The following CDK6 variants were observed in gnomAD, a reference collection of about 807,000 sequenced individuals.
CDK6 encodes the protein cyclin dependent kinase 6, also known as cyclin-dependent kinase 6.
In CDK6, 6 loss-of-function variants were observed where a neutral mutation model predicts 37.1. The observed-to-expected ratio is 0.16, with a 90% CI of 0.09 to 0.32. The LOEUF (loss-of-function observed/expected upper bound fraction) is 0.32. Ranked by LOEUF, CDK6 falls within the 10% of genes least tolerant of loss-of-function variation. The pLI, the probability that CDK6 is intolerant of heterozygous loss-of-function variation, is 1.00. For synonymous variants in CDK6, 160 were observed against 161.3 expected (o/e 0.99, Z 0.06); for missense variants, 224 against 418.9 (o/e 0.53, Z 4.06).
At chr7:92,656,220 T>C (rs1005265464) in intron 5 of CDK6, among the ~76,000 whole-genome samples, 5 of 152,162 alleles carry the variant, frequency 3.3e-5, no homozygotes, top group African/African-American at 1.2e-4. Flanking sequence ...TCTGTAAGAA[T>C]ATACCCAATG....
chr7:92,762,599 G>A (rs1005378784), intron 3 of CDK6, among the ~76,000 whole-genome samples: 7 of 143,582 alleles, frequency 4.9e-5, no homozygotes, highest in African/African-American at 1.6e-4. Flanking sequence ...ATGGAATCTC[G>A]CTCTGTCACC....
Position 92,777,234 on chromosome 7 carries a change from G to GT in CDK6, c.234-2404dup, listed in dbSNP as rs201829615. Among the ~76,000 whole-genome samples, 423 of 150,232 alleles carry GT rather than the reference G, an allele frequency of 2.8e-3. 4 individuals carry two copies. Among genetic ancestry groups the GT allele is most frequent in the South Asian group, 7.8e-3 (37 of 4,718 alleles). Reference sequence around the variant, plus strand: ...TTGTAGATATGTGTCATTCTTTCTTGTTTTTTTTTCCTTTTTGTGAAGGAG... The same window carrying GT: ...TTGTAGATATGTGTCATTCTTTCTTGTTTTTTTTTTCCTTTTTGTGAAGGAG... On this transcript the variant is annotated intron_variant, in intron 2 of 7. Transcript: ENST00000424848.
At position 92,613,692 on chromosome 7, in the gene CDK6, C is replaced by A; in HGVS notation, c.*1448G>T. ...CCCTAAAACATAGCTAAAGACATAC[C>A]CTCAGGTAAAGACACTGAAAATATC... On this transcript the variant is annotated 3_prime_UTR_variant, in exon 8 of 8. Transcript: ENST00000424848. 4 of 232,968 alleles carry A rather than the reference C, an allele frequency of 1.7e-5. No individual in the cohort carries two copies. The highest frequency in any genetic ancestry group is 2.5e-5 in the Non-Finnish European group (3 of 117,920). The allele number at this position is 232,968 out of a possible 1,614,324, so 14.4% of individuals were successfully genotyped here. A position where few individuals can be genotyped will look rare whatever the true frequency, so the allele number is the denominator to read the frequency against.
At chr7:92,675,866 A>C (rs2116613523) in intron 4 of CDK6, among the ~76,000 whole-genome samples, 1 of 152,234 alleles carries the variant, frequency 6.6e-6, no homozygotes, top group East Asian at 1.9e-4. Context: ...TATTGACTTA[A>C]ATTTGAACAT....
intron 3 of CDK6, among the ~76,000 whole-genome samples, chr7:92,765,268 A>G (rs1799552655): frequency 6.6e-6 from 1 of 152,178 alleles, no homozygotes; most frequent in African/African-American, 2.4e-5. Flanking sequence ...TCCTTGGTAT[A>G]AAACATATTT....
At chr7:92,774,352 G>C (rs1303856322) in intron 3 of CDK6, among the ~76,000 whole-genome samples, 2 of 152,138 alleles carry the variant, frequency 1.3e-5, no homozygotes, top group African/African-American at 2.4e-5. Flanking sequence ...TAAACCATCA[G>C]AAGAAGACTG....
chr7:92,737,390 C>T (rs1465545800), intron 3 of CDK6, among the ~76,000 whole-genome samples: 1 of 152,164 alleles, frequency 6.6e-6, no homozygotes, highest in Non-Finnish European at 1.5e-5. Context: ...TAGAAATTAT[C>T]TGTTATTATT....
intron 2 of CDK6, among the ~76,000 whole-genome samples, chr7:92,796,189 AC>A: frequency 1.3e-5 from 2 of 151,896 alleles, no homozygotes; most frequent in African/African-American, 4.8e-5. Context: ...GAAAAATATA[AC>A]CCTAGGAATA....
rs1377395508 is a variant in CDK6, at chr7:92,613,218, AG to A, written c.*1921del. 1 of 233,162 alleles carries A rather than the reference AG, an allele frequency of 4.3e-6. No individual in the cohort carries two copies. The highest frequency in any genetic ancestry group is 8.5e-6 in the Non-Finnish European group (1 of 118,052). The allele number at this position is 233,162 out of a possible 1,614,324, so 14.4% of individuals were successfully genotyped here. On this transcript the variant is annotated 3_prime_UTR_variant, in exon 8 of 8. Transcript: ENST00000424848. The stretch of plus-strand genomic sequence containing the variant: ...AAGCTCTTCAGGAGAAACATCTCCT[AG>A]TTTTTTCTCTTGTTCAAGATAGTCA...
intron 3 of CDK6, among the ~76,000 whole-genome samples, chr7:92,758,419 GT>G (rs1310649790): frequency 2.6e-5 from 4 of 152,076 alleles, no homozygotes; most frequent in Admixed American, 2.6e-4. Flanking sequence ...TTTTTGTCAG[GT>G]TTGTGGAAGG....
chr7:92,781,233 T>G lies in CDK6; in HGVS notation c.234-6402A>C, dbSNP rs891849741. Among the ~76,000 whole-genome samples, 5 of 152,220 alleles carry G rather than the reference T, an allele frequency of 3.3e-5. 1 individual carries two copies. Among genetic ancestry groups the G allele is most frequent in the African/African-American group, 1.2e-4 (5 of 41,454 alleles). On this transcript the variant is annotated intron_variant, in intron 2 of 7. Coordinates refer to ENST00000424848, the MANE Select transcript of CDK6 (RefSeq NM_001145306.2). ...ATTAAGTTGGCCAAGCCCCTAACTC[T>G]CCCACAAAGTAAGTTCTCTTGCTGT...
intron 2 of CDK6, among the ~76,000 whole-genome samples, chr7:92,790,368 T>C (rs1800251771): frequency 6.6e-6 from 1 of 152,208 alleles, no homozygotes; most frequent in Non-Finnish European, 1.5e-5. Flanking sequence ...AGGGCCTTTA[T>C]CCTGTTTCCC....
At chr7:92,666,489 T>G (rs1796959030) in intron 5 of CDK6, among the ~76,000 whole-genome samples, 1 of 152,246 alleles carries the variant, frequency 6.6e-6, no homozygotes, top group African/African-American at 2.4e-5. Context: ...ATGAACTTTC[T>G]GAATAGTTTT....
chr7:92,624,144 T>C (rs1795871628), intron 5 of CDK6, among the ~76,000 whole-genome samples: 1 of 152,158 alleles, frequency 6.6e-6, no homozygotes, highest in South Asian at 2.1e-4. Context: ...TTCTCAACCA[T>C]ACTTTCTATG....
intron 4 of CDK6, among the ~76,000 whole-genome samples, chr7:92,717,078 A>G (rs895601051): frequency 5.3e-5 from 8 of 152,126 alleles, no homozygotes; most frequent in African/African-American, 1.9e-4. Flanking sequence ...CAGGCATGGT[A>G]GCTCATGTCT....
intron 4 of CDK6, among the ~76,000 whole-genome samples, chr7:92,685,143 T>C (rs1037533785): frequency 1.3e-5 from 2 of 152,212 alleles, no homozygotes; most frequent in Admixed American, 1.3e-4. Context: ...GGGAATATAG[T>C]TCTGTTGATT....
At chr7:92,666,278 A>C (rs1192611691) in intron 5 of CDK6, among the ~76,000 whole-genome samples, 2 of 151,998 alleles carry the variant, frequency 1.3e-5, no homozygotes, top group African/African-American at 4.8e-5. Context: ...CATTTATCCC[A>C]CCTCTGGTTA....
intron 4 of CDK6, among the ~76,000 whole-genome samples, chr7:92,720,467 T>C (rs1328113586): frequency 6.6e-6 from 1 of 152,138 alleles, no homozygotes; most frequent in Non-Finnish European, 1.5e-5. Flanking sequence ...CTTTTCAAAA[T>C]GAAATGGTTG....
At chr7:92,786,750 T>C (rs1161451252) in intron 2 of CDK6, among the ~76,000 whole-genome samples, 3 of 150,450 alleles carry the variant, frequency 2.0e-5, no homozygotes, top group Non-Finnish European at 3.0e-5. Context: ...ATATATATAA[T>C]GTGGCTCTTA....
Sources: allele counts gnomAD v4.1 joint callset (sites outside exome capture counted in the v4.1 genomes callset), GRCh38; gene constraint gnomAD v4.1.1; transcripts MANE v1.5; gene names NCBI Gene and HGNC (gene_info 2026-07-23, HGNC 2026-07-21).